The following KLHL18 variants were observed in gnomAD, a reference collection of about 807,000 sequenced individuals.
KLHL18 encodes the protein kelch like family member 18.
A neutral mutation model predicts 58.5 loss-of-function variants in KLHL18; 38 were observed. The ratio of observed to expected loss-of-function variants is 0.65; its 90% confidence interval spans 0.50 to 0.85. The LOEUF (loss-of-function observed/expected upper bound fraction) is 0.85. Among genes scored for constraint, KLHL18 ranks in the 40% least tolerant of loss-of-function variants. The pLI is 0.00. For synonymous variants in KLHL18, 303 were observed against 301.9 expected, an observed-to-expected ratio of 1.00 and a Z score of -0.04; for missense variants, 624 against 778.4, an observed-to-expected ratio of 0.80 and a Z score of 2.36.
intron 1 of KLHL18, among the ~76,000 whole-genome samples, chr3:47,300,287 T>TA (rs370937631): frequency 1.5e-5 from 2 of 133,126 alleles, no homozygotes. Flanking sequence ...CACCGGCATT[T>TA]TATATATATA....
intron 1 of KLHL18, among the ~76,000 whole-genome samples, chr3:47,291,007 A>G (rs2107578205): frequency 6.6e-6 from 1 of 152,346 alleles, no homozygotes; most frequent in South Asian, 2.1e-4. Context: ...TTACCAGTCA[A>G]GCAACATTCA....
chr3:47,292,173 T>A (rs1033817180), intron 1 of KLHL18, among the ~76,000 whole-genome samples: 1 of 152,028 alleles, frequency 6.6e-6, no homozygotes, highest in African/African-American at 2.4e-5. Flanking sequence ...GTGGGCAGAG[T>A]GTTCTGAATA....
intron 4 of KLHL18, among the ~76,000 whole-genome samples, chr3:47,331,632 T>G (rs1348114291): frequency 6.8e-6 from 1 of 147,680 alleles, no homozygotes; most frequent in Non-Finnish European, 1.5e-5. Flanking sequence ...GGGGTTTCAC[T>G]ATGTTGGCCA....
At position 47,330,117 on chromosome 3, in the gene KLHL18, C is replaced by T. The variant is rs758466622; in HGVS notation, c.568C>T (p.Arg190Trp). Residue 190 changes from arginine (R) to tryptophan (W), a missense_variant, in exon 4 of 10, where the codon CGG (arginine) becomes TGG (tryptophan). Transcript: ENST00000232766. ...GGAAGACGTGCTTGAGCTGGTGTCT[C>T]GGGATGAGCTGAATGTCAAATCTGA... Reference protein sequence around the residue: ...PLEDVLELVSRDELNVKSEEQ... With the variant: ...PLEDVLELVSWDELNVKSEEQ... The T allele has an allele frequency of 8.1e-6, 13 of 1,614,052 alleles. No homozygotes were observed. Among genetic ancestry groups the T allele is most frequent in the Middle Eastern group, 1.6e-4 (1 of 6,062 alleles).
chr3:47,313,398 AT>A (rs1389165093), intron 1 of KLHL18, among the ~76,000 whole-genome samples: 2 of 151,330 alleles, frequency 1.3e-5, no homozygotes, highest in East Asian at 3.9e-4. Context: ...ATTTTATTTT[AT>A]TTTTTGTAAA....
chr3:47,339,490 C>G (rs1228404290), intron 7 of KLHL18, among the ~76,000 whole-genome samples: 1 of 69,230 alleles, frequency 1.4e-5, no homozygotes, highest in South Asian at 4.6e-4. Flanking sequence ...GACCTCATCT[C>G]AAAAAAAAAA....
At chr3:47,328,718 A>G (rs1422762035) in intron 3 of KLHL18, among the ~76,000 whole-genome samples, 4 of 152,150 alleles carry the variant, frequency 2.6e-5, no homozygotes, top group Non-Finnish European at 5.9e-5. Flanking sequence ...TGAGTGCGTT[A>G]CTACTTTACA....
intron 4 of KLHL18, 26 bp from the exon 5 acceptor site, chr3:47,333,131 T>C: frequency 6.2e-7 from 1 of 1,604,354 alleles, no homozygotes; most frequent in Non-Finnish European, 8.5e-7. Context: ...GAGGATTTGC[T>C]GCCAGAACAT....
At chr3:47,338,026 T>C (rs1559504716) in intron 7 of KLHL18, 1 of 152,204 alleles carries the variant, frequency 6.6e-6, no homozygotes, top group Non-Finnish European at 1.5e-5. Context: ...CTGTTATTAG[T>C]GTGGGCCCGG....
At chr3:47,283,266 G>A (rs1416145067) in intron 1 of KLHL18, 172 bp downstream of exon 1, 1 of 637,964 alleles carries the variant, frequency 1.6e-6, no homozygotes, top group African/African-American at 1.8e-5. Context: ...TCGGGGCCGA[G>A]TGGGGAGAGG....
intron 3 of KLHL18, among the ~76,000 whole-genome samples, chr3:47,324,294 C>CTTTTTTTT (rs1559498832): frequency 1.9e-4 from 2 of 10,602 alleles, no homozygotes; most frequent in African/African-American, 4.2e-4. Context: ...CTTTTTCTTT[C>CTTTTTTTT]TTTCTTTTTT....
At position 47,319,648 on chromosome 3, in the gene KLHL18, C is replaced by T. The variant is rs373081040; in HGVS notation, c.130-5C>T. 2 of 1,612,692 alleles carry T rather than the reference C, an allele frequency of 1.2e-6. No homozygotes were observed. Among genetic ancestry groups the T allele is most frequent in the Non-Finnish European group, 1.7e-6 (2 of 1,179,282 alleles). Reference sequence around the variant, plus strand: ...ATCTGTCTTTGTATTTTACTTTGCCCACAGATTGGGGACCACAAATTCAGT... The same window carrying T: ...ATCTGTCTTTGTATTTTACTTTGCCTACAGATTGGGGACCACAAATTCAGT... On this transcript the variant is annotated splice_polypyrimidine_tract_variant and splice_region_variant and intron_variant, in intron 1 of 9. Coordinates refer to ENST00000232766, the MANE Select transcript of KLHL18 (RefSeq NM_025010.5).
At chr3:47,342,625 C>T (rs926562428) in intron 8 of KLHL18, 94 bp from the exon 9 acceptor site, 2 of 950,134 alleles carry the variant, frequency 2.1e-6, no homozygotes, top group Non-Finnish European at 3.3e-6. Flanking sequence ...GGAGAGATGG[C>T]CAGCACAGTT....
At chr3:47,314,430 A>G (rs1014529607) in intron 1 of KLHL18, among the ~76,000 whole-genome samples, 1 of 152,008 alleles carries the variant, frequency 6.6e-6, no homozygotes, top group Admixed American at 6.6e-5. Flanking sequence ...TAGTTTTGAA[A>G]CCAGTCCAGG....
intron 1 of KLHL18, among the ~76,000 whole-genome samples, chr3:47,286,310 C>T (rs1168174675): frequency 6.6e-6 from 1 of 152,144 alleles, no homozygotes; most frequent in Non-Finnish European, 1.5e-5. Flanking sequence ...GGGGAAAGAG[C>T]ATGCAAACCA....
chr3:47,337,200 T>C (rs1343382683), intron 7 of KLHL18: 1 of 187,152 alleles, frequency 5.3e-6, no homozygotes. Flanking sequence ...TCCCCAGGAC[T>C]CCCCTCACAC....
At chr3:47,304,420 A>T (rs115746415) in intron 1 of KLHL18, among the ~76,000 whole-genome samples, 1 of 152,052 alleles carries the variant, frequency 6.6e-6, no homozygotes, top group East Asian at 1.9e-4. Context: ...GGAGGATTGC[A>T]TGAGCCCAGG....
At chr3:47,333,339 C>A (rs748012416) in intron 5 of KLHL18, 22 bp downstream of exon 5, 3 of 1,606,308 alleles carry the variant, frequency 1.9e-6, no homozygotes, top group Admixed American at 1.7e-5. Flanking sequence ...TGGACCTGCA[C>A]AGGACACTGC....
intron 2 of KLHL18, among the ~76,000 whole-genome samples, chr3:47,322,221 A>G (rs551178385): frequency 5.9e-5 from 9 of 152,358 alleles, no homozygotes; most frequent in South Asian, 2.1e-4. Flanking sequence ...ATAAACATGA[A>G]GACAGTGTAC....
Sources: gnomAD v4.1 joint callset for allele counts (sites outside exome capture counted in the v4.1 genomes callset) on GRCh38, gnomAD v4.1.1 for gene constraint, MANE v1.5 for transcripts, NCBI Gene and HGNC (gene_info 2026-07-23, HGNC 2026-07-21) for gene names.